The following STOX2 variants were observed in gnomAD, a reference collection of about 807,000 sequenced individuals.
The protein encoded by STOX2 is storkhead-box protein 2.
A neutral mutation model predicts 60.9 loss-of-function variants in STOX2; 28 were observed. That is an observed-to-expected ratio of 0.46 (90% CI 0.34 to 0.63). The LOEUF is 0.63. Ranked by LOEUF, STOX2 falls within the 30% of genes least tolerant of loss-of-function variation. The pLI is 0.01. For synonymous variants in STOX2, 472 were observed against 463.9 expected (o/e 1.02, Z -0.22); for missense variants, 1,024 against 1,187.7 (o/e 0.86, Z 2.03).
chr4:183,816,614 A>G (rs924600160), intron 1 of STOX2, among the ~76,000 whole-genome samples: 1 of 152,192 alleles, frequency 6.6e-6, no homozygotes, highest in African/African-American at 2.4e-5. Flanking sequence ...TATCTGTGTA[A>G]CAAATCTGCA....
At chr4:183,842,586 T>G (rs1251670716) in intron 1 of STOX2, among the ~76,000 whole-genome samples, 4 of 152,226 alleles carry the variant, frequency 2.6e-5, no homozygotes, top group African/African-American at 7.2e-5. Flanking sequence ...CAGGGCCGTG[T>G]GCACATGGGG....
intron 1 of STOX2, among the ~76,000 whole-genome samples, chr4:183,918,611 A>G (rs1344453354): frequency 6.6e-6 from 1 of 152,258 alleles, no homozygotes; most frequent in East Asian, 1.9e-4. Flanking sequence ...CAGTTTTGAA[A>G]GTAAAGCCAG....
intron 1 of STOX2, among the ~76,000 whole-genome samples, chr4:183,928,881 C>G (rs75017771): frequency 0.022 from 3,340 of 151,788 alleles, 147 homozygotes; most frequent in African/African-American, 0.077. Context: ...AGAACACCAA[C>G]CCACCACAGC....
In STOX2 at chr4:183,906,915, C is replaced by A. The variant is rs1344647557; in HGVS notation, c.125C>A (p.Ala42Glu). The A allele has an allele frequency of 6.5e-7, 1 of 1,549,650 alleles. No homozygotes were observed. Among genetic ancestry groups the A allele is most frequent in the Non-Finnish European group, 8.7e-7 (1 of 1,145,798 alleles). ...TACCGCCTGCACAAGCGTTTCCCCG[C>A]GGCCTTCGCGCCCCAGGCTTCGCGG... ...KDYRLHKRFP[A>E]AFAPQASRGY... is the part of the protein sequence containing the mutation. The change falls in exon 1 of 4, where the codon GCG (alanine) becomes GAG (glutamate). Residue 42 changes from alanine to glutamate, a missense_variant. Ala to Glu is a moderately radical substitution (Grantham distance 107, BLOSUM62 -1). Around this residue, in one of 3 missense-constraint regions of STOX2, gnomAD observed 98 missense variants for 110.2 expected, o/e 0.89. Coordinates refer to ENST00000308497, the MANE Select transcript of STOX2 (RefSeq NM_020225.3).
At chr4:183,826,510 C>T (rs1208088330) in intron 1 of STOX2, among the ~76,000 whole-genome samples, 1 of 152,206 alleles carries the variant, frequency 6.6e-6, no homozygotes, top group Non-Finnish European at 1.5e-5. Context: ...TCTCTGCTTT[C>T]CATTTCCATG....
intron 1 of STOX2, among the ~76,000 whole-genome samples, chr4:183,809,590 A>G (rs1046106901): frequency 6.6e-6 from 1 of 151,712 alleles, no homozygotes; most frequent in Non-Finnish European, 1.5e-5. Context: ...GTAGAGACGG[A>G]GTTTCACCAT....
chr4:183,969,575 T>C (rs183440966), intron 1 of STOX2, among the ~76,000 whole-genome samples: 94 of 152,170 alleles, frequency 6.2e-4, no homozygotes, highest in Non-Finnish European at 1.2e-3. Flanking sequence ...GCTAGATTTC[T>C]GCTTATTCAT....
chr4:183,870,786 A>G (rs1188800731), intron 1 of STOX2, among the ~76,000 whole-genome samples: 2 of 152,218 alleles, frequency 1.3e-5, no homozygotes, highest in African/African-American at 4.8e-5. Context: ...AGTAATTACT[A>G]TATTGAACGT....
chr4:183,967,307 A>G (rs1357696874), intron 1 of STOX2, among the ~76,000 whole-genome samples: 1 of 151,654 alleles, frequency 6.6e-6, no homozygotes, highest in African/African-American at 2.4e-5. Context: ...CGGAGGTTGC[A>G]GTGAGCCGAG....
Position 184,003,853 on chromosome 4 carries a change from G to A in STOX2, c.319+2376G>A, listed in dbSNP as rs146934956. On this transcript the variant is annotated intron_variant, in intron 2 of 3. Transcript: ENST00000308497. ...AGCAATAGCTCCAGATTTTAAACTG[G>A]TATTTCATAAAAAATGAAAGTTTGT... 2.3e-3 allele frequency among the ~76,000 whole-genome samples: 343 copies of A among 152,182 alleles called. 1 individual carries two copies. Among genetic ancestry groups the A allele is most frequent in the African/African-American group, 7.8e-3 (326 of 41,540 alleles).
chr4:183,817,376 G>T (rs557176843), intron 1 of STOX2, among the ~76,000 whole-genome samples: 2 of 152,180 alleles, frequency 1.3e-5, no homozygotes, highest in African/African-American at 4.8e-5. Flanking sequence ...TGCAGGGTCC[G>T]TCCTTTGCTG....
In STOX2 at chr4:183,865,836, G is replaced by T. The variant is rs1487806623; in HGVS notation, c.364+67781G>T. The stretch of plus-strand genomic sequence containing the variant: ...TGGAGACAAAGACAGAATTTGATTT[G>T]GGGGTCATTTTTTGGAAGGCTTTTT... On this transcript the variant is annotated intron_variant, in intron 1 of 2. Coordinates refer to the STOX2 transcript ENST00000513034. The surrounding 1 kb of genome is among the most constrained non-coding windows in gnomAD (Gnocchi z 4.1). Among the ~76,000 whole-genome samples, 4 of 152,156 alleles carry T rather than the reference G, an allele frequency of 2.6e-5. No homozygotes were observed. Among genetic ancestry groups the T allele is most frequent in the African/African-American group, 9.7e-5 (4 of 41,440 alleles).
At chr4:183,835,088 C>G (rs1739671762) in intron 1 of STOX2, among the ~76,000 whole-genome samples, 1 of 150,860 alleles carries the variant, frequency 6.6e-6, no homozygotes, top group Admixed American at 6.6e-5. Context: ...AGCTCCTCTT[C>G]TTAACAATTA....
intron 1 of STOX2, among the ~76,000 whole-genome samples, chr4:183,867,910 A>C (rs1740607495): frequency 6.6e-6 from 1 of 152,242 alleles, no homozygotes; most frequent in Non-Finnish European, 1.5e-5. Flanking sequence ...GGGATGCAGA[A>C]GAAGGAAGAA....
At chr4:183,843,035 G>A (rs531843641) in intron 1 of STOX2, among the ~76,000 whole-genome samples, 103 of 151,538 alleles carry the variant, frequency 6.8e-4, no homozygotes, top group African/African-American at 2.5e-3. Flanking sequence ...TGTAATCCCA[G>A]CTACTCGGGA....
At chr4:183,845,446 A>G (rs1739963768) in intron 1 of STOX2, among the ~76,000 whole-genome samples, 1 of 152,242 alleles carries the variant, frequency 6.6e-6, no homozygotes, top group African/African-American at 2.4e-5. Flanking sequence ...AAAAAGATGG[A>G]AAAGAAACAC....
intron 1 of STOX2, among the ~76,000 whole-genome samples, chr4:183,952,761 C>G (rs1743130637): frequency 6.6e-6 from 1 of 152,168 alleles, no homozygotes; most frequent in Non-Finnish European, 1.5e-5. Context: ...ATTTTCTTTA[C>G]TGTAGGACTC....
At chr4:183,837,279 A>C (rs1305181744) in intron 1 of STOX2, among the ~76,000 whole-genome samples, 1 of 152,194 alleles carries the variant, frequency 6.6e-6, no homozygotes, top group African/African-American at 2.4e-5. Flanking sequence ...TCACAATGTC[A>C]TGTAACCATC....
At chr4:183,936,204 A>G (rs919220364) in intron 1 of STOX2, among the ~76,000 whole-genome samples, 3 of 148,334 alleles carry the variant, frequency 2.0e-5, no homozygotes, top group African/African-American at 7.9e-5. Flanking sequence ...GCCTTGGCAA[A>G]CGCTGTTGTT....
Sources: allele counts gnomAD v4.1 joint callset (sites outside exome capture counted in the v4.1 genomes callset), GRCh38; gene constraint gnomAD v4.1.1; regional missense constraint gnomAD v4.1.1; non-coding constraint Gnocchi (gnomAD v3.1); transcripts MANE v1.5; gene names NCBI Gene and HGNC (gene_info 2026-07-23, HGNC 2026-07-21).